IPO11: variants seen among roughly 807,000 people sequenced by gnomAD.
The protein encoded by IPO11 is importin 11, also known as importin-11.
Under a neutral mutation model 143.2 loss-of-function variants are expected in IPO11, and 66 were observed. The observed-to-expected ratio is 0.46, with a 90% CI of 0.38 to 0.57. IPO11 has a LOEUF of 0.57. IPO11 is among the 20% of genes least tolerant of loss of function. IPO11 has a pLI of 0.00. For missense variants in IPO11, 1,026 were observed against 1,141.0 expected (o/e 0.90, Z 1.45); for synonymous variants, 385 against 377.8 (o/e 1.02, Z -0.22).
At chr5:62,578,446 C>T (rs1475585348) in intron 27 of IPO11, among the ~76,000 whole-genome samples, 4 of 152,010 alleles carry the variant, frequency 2.6e-5, no homozygotes, top group Non-Finnish European at 4.4e-5. Flanking sequence ...TTGTATTACT[C>T]GATATACATC....
At chr5:62,546,175 A>G (rs1039202528) in intron 24 of IPO11, among the ~76,000 whole-genome samples, 1 of 152,182 alleles carries the variant, frequency 6.6e-6, no homozygotes, top group Admixed American at 6.5e-5. Flanking sequence ...ACTATTCACA[A>G]TAGCAAAGAC....
chr5:62,596,351 T>C (rs928332110), intron 28 of IPO11, among the ~76,000 whole-genome samples: 1 of 151,766 alleles, frequency 6.6e-6, no homozygotes, highest in African/African-American at 2.4e-5. Context: ...TCATAAATTG[T>C]TTTTATAGCT....
intron 27 of IPO11, among the ~76,000 whole-genome samples, chr5:62,577,978 A>G (rs1431726077): frequency 6.6e-6 from 1 of 152,146 alleles, no homozygotes; most frequent in Non-Finnish European, 1.5e-5. Flanking sequence ...AATATATAAT[A>G]TAAACAATTT....
chr5:62,555,416 G>T (rs918747629), intron 26 of IPO11, among the ~76,000 whole-genome samples: 1 of 151,944 alleles, frequency 6.6e-6, no homozygotes, highest in East Asian at 1.9e-4. Flanking sequence ...TTACTCAGGT[G>T]ATCTTTTCAC....
At chr5:62,622,704 G>A (rs1746418851) in intron 29 of IPO11, among the ~76,000 whole-genome samples, 1 of 152,150 alleles carries the variant, frequency 6.6e-6, no homozygotes, top group African/African-American at 2.4e-5. Context: ...GAATGCCCAA[G>A]TAATAATGGT....
chr5:62,621,520 C>T (rs1476678530), intron 29 of IPO11, among the ~76,000 whole-genome samples: 1 of 152,134 alleles, frequency 6.6e-6, no homozygotes, highest in Non-Finnish European at 1.5e-5. Context: ...TTCTCCCAGA[C>T]CTGCAGTCCG....
At chr5:62,602,747 A>T (rs576542332) in intron 29 of IPO11, among the ~76,000 whole-genome samples, 1 of 152,284 alleles carries the variant, frequency 6.6e-6, no homozygotes, top group East Asian at 1.9e-4. Context: ...AACTCATTTT[A>T]CTTTGCTTTT....
At chr5:62,434,435 T>C (rs1744101465) in intron 1 of IPO11, among the ~76,000 whole-genome samples, 1 of 152,034 alleles carries the variant, frequency 6.6e-6, no homozygotes, top group African/African-American at 2.4e-5. Context: ...CCTTAGTAGC[T>C]GGGACTACAA....
At chr5:62,479,227 GT>G (rs1746091750) in intron 9 of IPO11, among the ~76,000 whole-genome samples, 1 of 152,086 alleles carries the variant, frequency 6.6e-6, no homozygotes. Flanking sequence ...CAGAATGATG[GT>G]TTCCAGCTTC....
intron 18 of IPO11, among the ~76,000 whole-genome samples, chr5:62,505,235 CTG>C (rs1741514690): frequency 6.6e-6 from 1 of 151,724 alleles, no homozygotes; most frequent in Non-Finnish European, 1.5e-5. Context: ...GGTTATTTCT[CTG>C]TGTTATTTGC....
intron 29 of IPO11, among the ~76,000 whole-genome samples, chr5:62,618,767 C>T (rs930970223): frequency 5.9e-5 from 9 of 152,200 alleles, no homozygotes; most frequent in Admixed American, 2.0e-4. Flanking sequence ...AAAAATTAGC[C>T]GGGCACAGTG....
chr5:62,583,723 A>G (rs1030060645), intron 27 of IPO11, among the ~76,000 whole-genome samples: 3 of 152,192 alleles, frequency 2.0e-5, no homozygotes, highest in Admixed American at 6.5e-5. Context: ...AACTTATTTA[A>G]GGTATAATTG....
At chr5:62,435,098 ATG>A (rs1436640405) in intron 1 of IPO11, among the ~76,000 whole-genome samples, 1 of 71,980 alleles carries the variant, frequency 1.4e-5, no homozygotes, top group East Asian at 4.0e-4. Context: ...ATATGTATAT[ATG>A]TATATATATG....
chr5:62,416,096 G>T (rs1277885491), intron 1 of IPO11, among the ~76,000 whole-genome samples: 8 of 151,896 alleles, frequency 5.3e-5, no homozygotes, highest in Admixed American at 2.6e-4. Context: ...CTTGCAGATG[G>T]CCACCTTCTT....
chr5:62,426,359 C>T (rs1317119867), intron 1 of IPO11, among the ~76,000 whole-genome samples: 1 of 152,132 alleles, frequency 6.6e-6, no homozygotes, highest in African/African-American at 2.4e-5. Context: ...AGTCTTCCAG[C>T]CTGGGCAACA....
intron 27 of IPO11, chr5:62,581,149 A>G: frequency 6.4e-7 from 1 of 1,550,958 alleles, no homozygotes. Context: ...TGAATACTAC[A>G]GCTTTTATCA....
chr5:62,435,082 G>GTATATATATGTGTATATATGTATATA (rs1561308691), intron 1 of IPO11, among the ~76,000 whole-genome samples: 8 of 94,502 alleles, frequency 8.5e-5, no homozygotes, highest in African/African-American at 2.8e-4. Flanking sequence ...GTATATATAT[G>GTATATATATGTGTATATATGTATATA]TGTATATATG....
intron 1 of IPO11, among the ~76,000 whole-genome samples, chr5:62,425,079 G>A (rs1000340290): frequency 6.6e-6 from 1 of 152,000 alleles, no homozygotes; most frequent in African/African-American, 2.4e-5. Flanking sequence ...CATCTTTCTC[G>A]CATTGCATTA....
In IPO11 at chr5:62,549,360, C is replaced by T. The variant is rs79794730; in HGVS notation, c.2251-1007C>T. 2.0e-3 allele frequency among the ~76,000 whole-genome samples: 301 copies of T among 152,138 alleles called. 1 individual carries two copies. The highest frequency in any genetic ancestry group is 6.6e-3 in the African/African-American group (275 of 41,512). On this transcript the variant is annotated intron_variant, in intron 24 of 29. Coordinates refer to ENST00000325324, the MANE Select transcript of IPO11 (RefSeq NM_016338.5). Reference sequence around the variant, plus strand: ...CTATCTGCTTACCTTGGGACTGTTTCGAAATGCTTGGAAGTATTCTTGATG... The same window carrying T: ...CTATCTGCTTACCTTGGGACTGTTTTGAAATGCTTGGAAGTATTCTTGATG...
Sources: allele counts gnomAD v4.1 joint callset (sites outside exome capture counted in the v4.1 genomes callset), GRCh38; gene constraint gnomAD v4.1.1; transcripts MANE v1.5; gene names NCBI Gene and HGNC (gene_info 2026-07-23, HGNC 2026-07-21).